The following VIPAS39 variants were observed in gnomAD, a reference collection of about 807,000 sequenced individuals.
VIPAS39 encodes the protein spermatogenesis-defective protein 39 homolog.
A neutral mutation model predicts 84.7 loss-of-function variants in VIPAS39; 63 were observed. The ratio of observed to expected loss-of-function variants is 0.74; its 90% CI spans 0.61 to 0.92. VIPAS39 has a LOEUF of 0.92. VIPAS39 is among the 40% of genes least tolerant of loss of function. The pLI is 0.00. For synonymous variants in VIPAS39, 192 were observed against 216.5 expected (o/e 0.89, Z 0.99); for missense variants, 499 against 604.5 (o/e 0.83, Z 1.83).
At position 77,456,431 on chromosome 14, in the gene VIPAS39, T is replaced by C. The variant is rs28760354; in HGVS notation, c.-1+1064A>G. On this transcript the variant is annotated intron_variant, in intron 1 of 19. Transcript: ENST00000557658. Reference sequence around the variant, plus strand: ...AACATATAAATGTCTCTGGCACACATGTCAGTTCATAAATCACTCTGTCAT... The same window carrying C: ...AACATATAAATGTCTCTGGCACACACGTCAGTTCATAAATCACTCTGTCAT... Among the ~76,000 whole-genome samples the C allele has an allele frequency of 2.6e-3, 389 of 151,998 alleles. 2 individuals are homozygous for C. Among genetic ancestry groups the C allele is most frequent in the African/African-American group, 9.1e-3 (378 of 41,556 alleles).
intron 17 of VIPAS39, among the ~76,000 whole-genome samples, chr14:77,429,389 T>C (rs1192433577): frequency 1.3e-5 from 2 of 152,242 alleles, no homozygotes; most frequent in Non-Finnish European, 2.9e-5. Context: ...TTCTCCCTGA[T>C]GTCTTTTCTC....
intron 1 of VIPAS39, 60 bp from the exon 2 acceptor site, chr14:77,454,162 A>G: frequency 6.6e-7 from 1 of 1,520,054 alleles, no homozygotes; most frequent in Non-Finnish European, 9.1e-7. Context: ...AGAGTTCCAA[A>G]AGCTTTAGTT....
Position 77,448,544 on chromosome 14 carries a change from T to C in VIPAS39, c.454A>G (p.Ser152Gly), listed in dbSNP as rs150228112. The C allele has an allele frequency of 2.4e-5, 38 of 1,614,064 alleles. No homozygotes were observed. Among genetic ancestry groups the C allele is most frequent in the Non-Finnish European group, 2.7e-5 (32 of 1,180,022 alleles). Reference protein sequence around the residue: ...GRPKGEYRDYSNDWSPSDTVR... With the variant: ...GRPKGEYRDYGNDWSPSDTVR... ...GTATCACTGGGGCTCCAGTCATTGC[T>C]GTAATCCTGGAATATTAGCAATACG... Residue 152 changes from serine to glycine, a missense_variant, in exon 7 of 20, where the codon AGC becomes GGC. By Grantham distance (56) the Ser-to-Gly change is moderately conservative. Coordinates refer to ENST00000557658, the MANE Select transcript of VIPAS39 (RefSeq NM_001193315.2).
In VIPAS39 at chr14:77,438,067, G is replaced by A. The variant is rs1029592590; in HGVS notation, c.763-186C>T. Among the ~76,000 whole-genome samples, 33 of 152,076 alleles carry A rather than the reference G, an allele frequency of 2.2e-4. 1 individual carries two copies. Among genetic ancestry groups the A allele is most frequent in the Admixed American group, 2.1e-3 (32 of 15,264 alleles). On this transcript the variant is annotated intron_variant, in intron 11 of 19. Transcript: ENST00000557658. The stretch of plus-strand genomic sequence containing the variant: ...ATCATTAGTAGGTTTATCTATAACT[G>A]CACTGTACGATACAATAGCCACTAG...
At chr14:77,455,862 G>A (rs889030174) in intron 1 of VIPAS39, among the ~76,000 whole-genome samples, 2 of 152,140 alleles carry the variant, frequency 1.3e-5, no homozygotes, top group African/African-American at 4.8e-5. Context: ...ACTGGTACAG[G>A]GTTGTTTAAA....
chr14:77,444,205 T>G, intron 8 of VIPAS39, 44 bp downstream of exon 8: 1 of 1,577,428 alleles, frequency 6.3e-7, no homozygotes. Flanking sequence ...CAGAAACTAG[T>G]GAAAACAATA....
At chr14:77,454,673 T>C (rs1228737241) in intron 1 of VIPAS39, among the ~76,000 whole-genome samples, 3 of 13,274 alleles carry the variant, frequency 2.3e-4, no homozygotes, top group African/African-American at 2.7e-4. Flanking sequence ...AAACTCCGTC[T>C]CCAAAAAAAA....
At chr14:77,452,745 A>C in intron 3 of VIPAS39, among the ~76,000 whole-genome samples, 1 of 139,490 alleles carries the variant, frequency 7.2e-6, no homozygotes, top group South Asian at 2.4e-4. Flanking sequence ...GCGCCATTGC[A>C]CTCCAGACTA....
chr14:77,443,328 C>A (rs941059891), intron 8 of VIPAS39, among the ~76,000 whole-genome samples, 176 bp from the exon 9 acceptor site: 2 of 152,144 alleles, frequency 1.3e-5, no homozygotes, highest in African/African-American at 4.8e-5. Flanking sequence ...CTTGAGAGTC[C>A]ACACACCCGT....
At chr14:77,448,577 C>A (rs1329392193) in intron 6 of VIPAS39, 27 bp from the exon 7 acceptor site, 1 of 1,613,344 alleles carries the variant, frequency 6.2e-7, no homozygotes, top group African/African-American at 1.3e-5. Flanking sequence ...ACGTGAATCC[C>A]AGGAAGTTAA....
At chr14:77,437,258 G>A (rs1030554311) in intron 12 of VIPAS39, among the ~76,000 whole-genome samples, 1 of 152,170 alleles carries the variant, frequency 6.6e-6, no homozygotes, top group African/African-American at 2.4e-5. Context: ...TTCCAATAAC[G>A]AAGGTTGTTC....
chr14:77,432,810 T>C (rs908523198), intron 16 of VIPAS39, among the ~76,000 whole-genome samples: 1 of 152,150 alleles, frequency 6.6e-6, no homozygotes. Flanking sequence ...AGAAATCTAA[T>C]GTACAGCATG....
At chr14:77,448,920 C>T (rs1473682798) in intron 6 of VIPAS39, among the ~76,000 whole-genome samples, 6 of 152,258 alleles carry the variant, frequency 3.9e-5, no homozygotes, top group South Asian at 2.1e-4. Flanking sequence ...GTTCCTTTTC[C>T]GACCTTAGGA....
chr14:77,448,028 C>G (rs2078822520), intron 7 of VIPAS39, among the ~76,000 whole-genome samples: 1 of 149,414 alleles, frequency 6.7e-6, no homozygotes, highest in African/African-American at 2.5e-5. Flanking sequence ...AATCTCAGCT[C>G]ACTGCAACCT....
At chr14:77,428,841 TA>T (rs1027851764) in intron 18 of VIPAS39, among the ~76,000 whole-genome samples, 164 bp downstream of exon 18, 2 of 152,130 alleles carry the variant, frequency 1.3e-5, no homozygotes, top group African/African-American at 2.4e-5. Flanking sequence ...GCTGGGAAAA[TA>T]ATACAGGAGT....
At chr14:77,433,771 A>C in intron 16 of VIPAS39, 71 bp downstream of exon 16, 1 of 1,494,194 alleles carries the variant, frequency 6.7e-7, no homozygotes, top group Non-Finnish European at 9.2e-7. Context: ...TAAACCGGTA[A>C]CTAGAACTTA....
At chr14:77,439,562 G>A (rs1236520791) in intron 11 of VIPAS39, among the ~76,000 whole-genome samples, 1 of 152,286 alleles carries the variant, frequency 6.6e-6, no homozygotes, top group East Asian at 1.9e-4. Flanking sequence ...CAAGGTGGGA[G>A]GATAGCTTGA....
chr14:77,427,660 A>G lies in VIPAS39; in HGVS notation c.1462-24T>C, dbSNP rs769614172. 3.1e-6 allele frequency: 5 copies of G among 1,614,086 alleles called. 1 individual carries two copies. In the South Asian group the frequency reaches 5.5e-5, roughly 18 times the overall value. ...TGCTGTGGAAAGAGGAAACAATGAA[A>G]GTGTGTGATCAGTTTTCACTTATCC... On this transcript the variant is annotated intron_variant, in intron 19 of 19. Coordinates refer to ENST00000557658, the MANE Select transcript of VIPAS39 (RefSeq NM_001193315.2).
intron 12 of VIPAS39, among the ~76,000 whole-genome samples, chr14:77,436,751 G>C (rs1014077031): frequency 1.3e-5 from 2 of 152,078 alleles, no homozygotes; most frequent in African/African-American, 4.8e-5. Context: ...CCACATTATT[G>C]TTATACATGA....
Sources: allele counts gnomAD v4.1 joint callset (sites outside exome capture counted in the v4.1 genomes callset), GRCh38; gene constraint gnomAD v4.1.1; transcripts MANE v1.5; gene names NCBI Gene and HGNC (gene_info 2026-07-23, HGNC 2026-07-21).